The following PLOD2 variants were observed in gnomAD, a reference collection of about 807,000 sequenced individuals.
The protein encoded by PLOD2 is procollagen-lysine,2-oxoglutarate 5-dioxygenase 2.
PLOD2 carries 65 observed loss-of-function variants against 101.0 expected under a neutral mutation model. The observed-to-expected ratio is 0.64, with a 90% CI of 0.53 to 0.79. The LOEUF (loss-of-function observed/expected upper bound fraction) is 0.79, where lower values mean the gene tolerates loss of function less well. Among genes scored for constraint, PLOD2 ranks in the 30% least tolerant of loss-of-function variants. The probability of loss-of-function intolerance (pLI) is 0.00; values close to 1 mark genes in which losing one functional copy is unlikely to be tolerated. For missense variants in PLOD2, 909 were observed against 914.6 expected, an observed-to-expected ratio of 0.99 and a Z score of 0.08; for synonymous variants, 314 against 302.9, an observed-to-expected ratio of 1.04 and a Z score of -0.38.
intron 7 of PLOD2, among the ~76,000 whole-genome samples, chr3:146,097,058 G>T (rs1201791495): frequency 6.8e-6 from 1 of 147,858 alleles, no homozygotes; most frequent in Non-Finnish European, 1.5e-5. Context: ...GGGCTCCTCT[G>T]CCCGGCCGCC....
chr3:146,158,332 T>G (rs537876443), intron 1 of PLOD2, among the ~76,000 whole-genome samples: 19 of 152,200 alleles, frequency 1.2e-4, no homozygotes, highest in Admixed American at 2.0e-4. Flanking sequence ...AAATCTTATT[T>G]AGTCTTTCCA....
intron 4 of PLOD2, among the ~76,000 whole-genome samples, chr3:146,107,231 T>A (rs1393982583): frequency 6.6e-6 from 1 of 152,252 alleles, no homozygotes; most frequent in Non-Finnish European, 1.5e-5. Flanking sequence ...AACCATTTTC[T>A]GGCTAGGTTT....
At chr3:146,100,144 G>C (rs990145374) in intron 7 of PLOD2, among the ~76,000 whole-genome samples, 5 of 152,148 alleles carry the variant, frequency 3.3e-5, no homozygotes, top group African/African-American at 1.2e-4. Flanking sequence ...GCCTTGCAAA[G>C]TGCTGGGATT....
At chr3:146,083,582 T>TTCTTTC (rs1272175743) in intron 11 of PLOD2, among the ~76,000 whole-genome samples, 1 of 98,550 alleles carries the variant, frequency 1.0e-5, no homozygotes, top group Non-Finnish European at 2.4e-5. Flanking sequence ...TTTTTCTTTT[T>TTCTTTC]TTTTTTTTTT....
intron 1 of PLOD2, among the ~76,000 whole-genome samples, chr3:146,150,931 T>C (rs1487446496): frequency 2.0e-5 from 3 of 152,176 alleles, no homozygotes; most frequent in Admixed American, 1.3e-4. Context: ...ATAAAAACAC[T>C]TGGAACCTTT....
chr3:146,085,053 G>A, intron 11 of PLOD2, 116 bp downstream of exon 11: 1 of 617,580 alleles, frequency 1.6e-6, no homozygotes, highest in Non-Finnish European at 2.9e-6. Flanking sequence ...TTTATTAGCT[G>A]TAGAACATAA....
rs1255993796 is a variant in PLOD2 at position 146,077,877 on chromosome 3, C to T, written c.1548G>A (p.Met516Ile). 3 of 1,592,352 alleles carry T rather than the reference C, an allele frequency of 1.9e-6. No individual in the cohort carries two copies. The highest frequency in any genetic ancestry group is 1.1e-5 in the South Asian group (1 of 89,698). The part of the protein sequence containing the change: ...KDSPTPETFQ[M>I]LSPPKGVFMY... ...AAAATAACACCTTTGGGGGGCTGAG[C>T]ATTTGGAATGTTTCCGGAGTAGGGG... Residue 516 changes from methionine (M) to isoleucine (I), a missense_variant, in exon 14 of 20, where the codon ATG becomes ATA. Transcript: ENST00000282903.
At chr3:146,095,792 G>A (rs1339514208) in intron 7 of PLOD2, among the ~76,000 whole-genome samples, 7 of 151,810 alleles carry the variant, frequency 4.6e-5, no homozygotes, top group Non-Finnish European at 7.4e-5. Flanking sequence ...CAATAGCAAA[G>A]ACTTGGAACC....
At chr3:146,102,453 T>C (rs1937416486) in intron 7 of PLOD2, among the ~76,000 whole-genome samples, 1 of 152,172 alleles carries the variant, frequency 6.6e-6, no homozygotes, top group African/African-American at 2.4e-5. Flanking sequence ...CAATTCCTAA[T>C]GAGAAAGGAT....
At position 146,072,684 on chromosome 3, in the gene PLOD2, C is replaced by T. The variant is rs1936189351; in HGVS notation, c.1744-19G>A. 6.5e-6 allele frequency: 9 copies of T among 1,384,456 alleles called. No individual in the cohort carries two copies. The highest frequency in any genetic ancestry group is 5.1e-5 in the Admixed American group (3 of 59,326). The allele number at this position is 1,384,456 out of a possible 1,614,324, so 85.8% of individuals were successfully genotyped here. A position where few individuals can be genotyped will look rare whatever the true frequency, so the allele number is the denominator to read the frequency against. Reference sequence around the variant, plus strand: ...GACAGGGCTATAAAATATGCATCATCGTTAGAAGACATAATAACTTCTGTG... The same window carrying T: ...GACAGGGCTATAAAATATGCATCATTGTTAGAAGACATAATAACTTCTGTG... On this transcript the variant is annotated intron_variant, in intron 16 of 19. Transcript: ENST00000282903.
Position 146,110,457 on chromosome 3 carries a change from T to G in PLOD2, c.339-9A>C. On this transcript the variant is annotated splice_polypyrimidine_tract_variant and intron_variant, in intron 3 of 19. Transcript: ENST00000282903. ...CAAATATGACATCAAAGCTGTTCAA[T>G]GAGGAAAAAATGTGTTTTAAAATAC... 1 of 1,587,034 alleles carries G rather than the reference T, an allele frequency of 6.3e-7. No individual in the cohort carries two copies. Among genetic ancestry groups the G allele is most frequent in the African/African-American group, 1.4e-5 (1 of 71,324 alleles).
At position 146,110,456 on chromosome 3, in the gene PLOD2, A is replaced by G. The variant is rs374419214; in HGVS notation, c.339-8T>C. On this transcript the variant is annotated splice_region_variant and splice_polypyrimidine_tract_variant and intron_variant, in intron 3 of 19. Transcript: ENST00000282903. ...GCAAATATGACATCAAAGCTGTTCA[A>G]TGAGGAAAAAATGTGTTTTAAAATA... 1.3e-6 allele frequency: 2 copies of G among 1,588,668 alleles called. No individual in the cohort carries two copies. The highest frequency in any genetic ancestry group is 2.8e-5 in the African/African-American group (2 of 71,418).
intron 11 of PLOD2, among the ~76,000 whole-genome samples, chr3:146,083,390 A>G (rs1043220259): frequency 6.6e-6 from 1 of 152,190 alleles, no homozygotes; most frequent in African/African-American, 2.4e-5. Flanking sequence ...AGTCCAATCT[A>G]CTAAATCTTG....
chr3:146,107,922 G>A (rs1937565052), intron 4 of PLOD2, among the ~76,000 whole-genome samples: 1 of 151,896 alleles, frequency 6.6e-6, no homozygotes, highest in Non-Finnish European at 1.5e-5. Context: ...GAGATTAGAG[G>A]CGTGAGCCAC....
chr3:146,160,651 G>C (rs1016260782), intron 1 of PLOD2: 2 of 544,762 alleles, frequency 3.7e-6, no homozygotes, highest in East Asian at 3.2e-5. Flanking sequence ...ATTCGGGCAC[G>C]CTGAGTTCAC....
chr3:146,099,946 G>C (rs1479217203), intron 7 of PLOD2, among the ~76,000 whole-genome samples: 1 of 146,822 alleles, frequency 6.8e-6, no homozygotes, highest in Non-Finnish European at 1.5e-5. Flanking sequence ...GTAATGGCGT[G>C]ATCTTGGCTC....
intron 1 of PLOD2, among the ~76,000 whole-genome samples, chr3:146,131,818 T>C (rs994803705): frequency 1.3e-5 from 2 of 152,118 alleles, no homozygotes; most frequent in African/African-American, 4.8e-5. Flanking sequence ...AGGCACGAAG[T>C]CTAATTTTAT....
intron 3 of PLOD2, among the ~76,000 whole-genome samples, chr3:146,116,274 C>G (rs148565571): frequency 2.0e-5 from 3 of 151,916 alleles, no homozygotes; most frequent in Admixed American, 6.6e-5. Flanking sequence ...GACACACACA[C>G]GCACACACAC....
At position 146,076,781 on chromosome 3, in the gene PLOD2, C is replaced by A; in HGVS notation, c.1677+1G>T. On this transcript the variant is annotated splice_donor_variant, in intron 15 of 19. Transcript: ENST00000282903. LOFTEE classifies it high-confidence loss of function. ...AATAAAGTTGAGTATGAAATACATA[C>A]CACAGGATTTTCAAAAATCTGCCAG... is the stretch of plus-strand genomic sequence containing the variant. 7.4e-7 allele frequency: 1 copy of A among 1,356,384 alleles called. No homozygotes were observed. The allele number at this position is 1,356,384 out of a possible 1,614,324, so 84.0% of individuals were successfully genotyped here.
Sources: allele counts gnomAD v4.1 joint callset (sites outside exome capture counted in the v4.1 genomes callset), GRCh38; gene constraint gnomAD v4.1.1; transcripts MANE v1.5; gene names NCBI Gene and HGNC (gene_info 2026-07-23, HGNC 2026-07-21).